The following PKHD1L1 variants were observed in gnomAD, a reference collection of about 807,000 sequenced individuals.
PKHD1L1 encodes fibrocystin-L.
Under a neutral mutation model 462.9 loss-of-function variants are expected in PKHD1L1, and 434 were observed. The ratio of observed to expected loss-of-function variants is 0.94; its 90% CI spans 0.87 to 1.02. The LOEUF (loss-of-function observed/expected upper bound fraction) is 1.02, where lower values mean the gene tolerates loss of function less well. PKHD1L1 is among the 50% of genes least tolerant of loss of function. The probability of loss-of-function intolerance (pLI) is 0.00; values close to 1 mark genes in which losing one functional copy is unlikely to be tolerated. For synonymous variants in PKHD1L1, 1,781 were observed against 1,750.0 expected (o/e 1.02, Z -0.44); for missense variants, 5,202 against 5,096.1 (o/e 1.02, Z -0.63).
chr8:109,525,903 T>C (rs967704175), intron 76 of PKHD1L1, among the ~76,000 whole-genome samples: 8 of 152,184 alleles, frequency 5.3e-5, no homozygotes, highest in African/African-American at 1.9e-4. Flanking sequence ...AAGATCTAAT[T>C]ATATTCTTTT....
chr8:109,483,439 T>C (rs1181032105), intron 57 of PKHD1L1, among the ~76,000 whole-genome samples: 1 of 149,166 alleles, frequency 6.7e-6, no homozygotes, highest in Non-Finnish European at 1.5e-5. Flanking sequence ...ATATGACTAA[T>C]ATATATTATG....
At chr8:109,390,536 C>T in intron 9 of PKHD1L1, 42 bp downstream of exon 9, 1 of 1,132,512 alleles carries the variant, frequency 8.8e-7, no homozygotes, top group Non-Finnish European at 1.2e-6. Flanking sequence ...ATTGATTCAA[C>T]AGGGTAAATA....
In PKHD1L1 at chr8:109,409,989, T is replaced by C. The variant is rs115523921; in HGVS notation, c.2085+11T>C. On this transcript the variant is annotated intron_variant, in intron 19 of 77. Coordinates refer to ENST00000378402, the MANE Select transcript of PKHD1L1 (RefSeq NM_177531.6). ...ACTGATTTTAATCTGGTATGAAATATTTAATGAACTGTGAAACTGACCTAA... is the reference window on the plus strand; with the variant it reads ...ACTGATTTTAATCTGGTATGAAATACTTAATGAACTGTGAAACTGACCTAA... 1.7e-3 allele frequency: 2,361 copies of C among 1,388,562 alleles called. 33 individuals carry two copies. The African/African-American group carries it at 0.031, about 18-fold the overall frequency. The allele number at this position is 1,388,562 out of a possible 1,614,324, so 86.0% of individuals were successfully genotyped here. A position where few individuals can be genotyped will look rare whatever the true frequency, so the allele number is the denominator to read the frequency against.
chr8:109,408,179 A>T lies in PKHD1L1; in HGVS notation c.1944A>T (p.Pro648=), dbSNP rs138117260. ...ATTGGGATGGGATCGCTTCTAAGCC[A>T]CTCACTCTATGGTCATCAGAAGCTG... ...TLNWDGIASK[P]LTLWSSEAEF... The change falls in exon 18 of 78, where the codon CCA becomes CCT. Residue 648 remains proline, a synonymous_variant. Coordinates refer to ENST00000378402, the MANE Select transcript of PKHD1L1 (RefSeq NM_177531.6). 424 of 1,612,588 alleles carry T rather than the reference A, an allele frequency of 2.6e-4. 2 individuals are homozygous for T. The East Asian group carries it at 3.4e-3, about 13-fold the overall frequency.
intron 38 of PKHD1L1, 102 bp from the exon 39 acceptor site, chr8:109,448,041 A>G: frequency 9.3e-7 from 1 of 1,071,182 alleles, no homozygotes. Flanking sequence ...GTTTTAAAAC[A>G]CTGGTTATTC....
In PKHD1L1 at chr8:109,419,241, T is replaced by C. The variant is rs2130639559; in HGVS notation, c.2505T>C (p.Ser835=). ...ATGTAGTGTACATTGGACACACATC[T>C]ACAATCTCAACATTGGATGGTATGT... ...YVDVVYIGHT[S]TISTLDEMPK... The change falls in exon 22 of 78, where the codon TCT becomes TCC. Residue 835 remains serine, a synonymous_variant. Coordinates refer to ENST00000378402, the MANE Select transcript of PKHD1L1 (RefSeq NM_177531.6). 2 of 1,606,200 alleles carry C rather than the reference T, an allele frequency of 1.2e-6. No homozygotes were observed. Among genetic ancestry groups the C allele is most frequent in the Middle Eastern group, 3.3e-4 (2 of 6,036 alleles).
At chr8:109,415,747 G>A (rs951964884) in intron 21 of PKHD1L1, among the ~76,000 whole-genome samples, 5 of 151,884 alleles carry the variant, frequency 3.3e-5, no homozygotes, top group Admixed American at 6.6e-5. Flanking sequence ...TACTCAGGAG[G>A]CTGAAGTGGA....
In PKHD1L1 at chr8:109,464,639, CAA is replaced by C. The variant is rs1240577213; in HGVS notation, c.7812_7813del (p.Arg2605SerfsTer8). The C allele has an allele frequency of 3.1e-6, 5 of 1,612,524 alleles. No individual in the cohort carries two copies. The highest frequency in any genetic ancestry group is 4.2e-6 in the Non-Finnish European group (5 of 1,179,760). On this transcript the variant is annotated frameshift_variant, in exon 49 of 78. Coordinates refer to ENST00000378402, the MANE Select transcript of PKHD1L1 (RefSeq NM_177531.6). LOFTEE classifies it high-confidence loss of function. ...GCCATCCTATGACAGAAACATTTGT[CAA>C]AAAAGAGTTCCCCTTGGCGAATTTT... ...DGPSYDRNIC[Q>X]KRVPLGEFFN...
intron 48 of PKHD1L1, among the ~76,000 whole-genome samples, chr8:109,462,792 G>T (rs557801721): frequency 1.3e-5 from 2 of 151,936 alleles, no homozygotes; most frequent in East Asian, 3.9e-4. Context: ...CACATGCCTC[G>T]GTCTCCCAAA....
intron 2 of PKHD1L1, among the ~76,000 whole-genome samples, chr8:109,365,747 C>T (rs1018316321): frequency 2.6e-5 from 4 of 152,128 alleles, no homozygotes; most frequent in Non-Finnish European, 4.4e-5. Flanking sequence ...AGCCCAAGAC[C>T]GGTGGATCAC....
At chr8:109,400,821 A>C (rs1209064004) in intron 13 of PKHD1L1, among the ~76,000 whole-genome samples, 1 of 152,120 alleles carries the variant, frequency 6.6e-6, no homozygotes, top group African/African-American at 2.4e-5. Flanking sequence ...ACTCTATTGA[A>C]CATCTATGAT....
At chr8:109,508,787 T>A (rs1819829920) in intron 70 of PKHD1L1, among the ~76,000 whole-genome samples, 1 of 152,134 alleles carries the variant, frequency 6.6e-6, no homozygotes, top group African/African-American at 2.4e-5. Context: ...CAAGACCAGC[T>A]GGTCAAGCTC....
chr8:109,457,129 T>C (rs1816869553), intron 46 of PKHD1L1, among the ~76,000 whole-genome samples: 1 of 152,162 alleles, frequency 6.6e-6, no homozygotes, highest in South Asian at 2.1e-4. Flanking sequence ...AAATTGAATA[T>C]GGTTGTGATT....
intron 43 of PKHD1L1, 143 bp from the exon 44 acceptor site, chr8:109,454,024 A>G (rs1816682427): frequency 4.1e-6 from 2 of 484,910 alleles, no homozygotes; most frequent in South Asian, 7.8e-5. Flanking sequence ...TATATGCATA[A>G]CAACAGCAGA....
chr8:109,368,302 G>A, intron 2 of PKHD1L1, among the ~76,000 whole-genome samples: 1 of 152,182 alleles, frequency 6.6e-6, no homozygotes, highest in Non-Finnish European at 1.5e-5. Flanking sequence ...GTCACAGAAA[G>A]CATATGGACT....
chr8:109,398,495 G>C lies in PKHD1L1; in HGVS notation c.959G>C (p.Ser320Thr). The C allele has an allele frequency of 6.4e-7, 1 of 1,571,500 alleles. No individual in the cohort carries two copies. The highest frequency in any genetic ancestry group is 8.7e-7 in the Non-Finnish European group (1 of 1,154,734). Residue 320 changes from serine to threonine, a missense_variant, in exon 12 of 78, where the codon AGT becomes ACT. Coordinates refer to ENST00000378402, the MANE Select transcript of PKHD1L1 (RefSeq NM_177531.6). ...GATATTTTGAATGTCACAGAAAATAGTATATGTTGCAAGACACCCCCCAAA... is the reference window on the plus strand; with the variant it reads ...GATATTTTGAATGTCACAGAAAATACTATATGTTGCAAGACACCCCCCAAA... ...PCDILNVTENSICCKTPPKPH... is the reference protein window; with the variant it reads ...PCDILNVTENTICCKTPPKPH...
Position 109,456,362 on chromosome 8 carries a change from T to A in PKHD1L1, c.6975T>A (p.Asp2325Glu). The A allele has an allele frequency of 6.2e-7, 1 of 1,609,800 alleles. No individual in the cohort carries two copies. Among genetic ancestry groups the A allele is most frequent in the Non-Finnish European group, 8.5e-7 (1 of 1,177,822 alleles). The change falls in exon 46 of 78, where the codon GAT becomes GAA. Residue 2325 changes from aspartate (D) to glutamate (E), a missense_variant. Coordinates refer to ENST00000378402, the MANE Select transcript of PKHD1L1 (RefSeq NM_177531.6). Reference sequence around the variant, plus strand: ...AAGCAGTAACATGGAAACCAGGAGATAACATTGTAATTGCAAGCACAGGAC... The same window carrying A: ...AAGCAGTAACATGGAAACCAGGAGAAAACATTGTAATTGCAAGCACAGGAC... ...LQEAVTWKPG[D>E]NIVIASTGHR...
intron 2 of PKHD1L1, among the ~76,000 whole-genome samples, chr8:109,367,761 C>A (rs1811304628): frequency 6.6e-6 from 1 of 152,078 alleles, no homozygotes; most frequent in South Asian, 2.1e-4. Context: ...ATTAGTCCAG[C>A]ATGATGGCCT....
intron 50 of PKHD1L1, among the ~76,000 whole-genome samples, chr8:109,468,349 C>T (rs755510889): frequency 1.1e-4 from 17 of 152,078 alleles, no homozygotes; most frequent in African/African-American, 2.9e-4. Context: ...GCATTTATGA[C>T]ATAATAGCTT....
Sources: allele counts gnomAD v4.1 joint callset (sites outside exome capture counted in the v4.1 genomes callset), GRCh38; gene constraint gnomAD v4.1.1; transcripts MANE v1.5; gene names NCBI Gene and HGNC (gene_info 2026-07-23, HGNC 2026-07-21).